FANCA: variants seen among roughly 807,000 people sequenced by gnomAD.
FANCA encodes FA complementation group A.
Under a neutral mutation model 194.3 loss-of-function variants are expected in FANCA, and 236 were observed. That is an observed-to-expected ratio of 1.21 (90% confidence interval 1.09 to 1.35). FANCA has a LOEUF of 1.35. Ranked by LOEUF, FANCA falls within the 40% of genes most tolerant of loss-of-function variation. FANCA has a pLI of 0.00. For synonymous variants in FANCA, 1,014 were observed against 715.8 expected (o/e 1.42, Z -6.65); for missense variants, 2,628 against 1,813.9 (o/e 1.45, Z -8.15).
At chr16:89,786,845 T>C (rs2143491343) in intron 14 of FANCA, among the ~76,000 whole-genome samples, 1 of 152,250 alleles carries the variant, frequency 6.6e-6, no homozygotes, top group South Asian at 2.1e-4. Context: ...GGTTCCCTTC[T>C]CAAAACATCA....
rs201428240 is a variant in FANCA, at chr16:89,797,643, T to C, written c.893+1523A>G. On this transcript the variant is annotated intron_variant, in intron 10 of 42. Coordinates refer to ENST00000389301, the MANE Select transcript of FANCA (RefSeq NM_000135.4). ...CTGTAATCCCAGTACTTTGGGAGGC[T>C]GAGGTGGGTGTTATCACTTGAGGTC... is the stretch of plus-strand genomic sequence containing the variant. Among the ~76,000 whole-genome samples the C allele has an allele frequency of 3.9e-5, 6 of 152,260 alleles. No homozygotes were observed. The East Asian group carries it at 1.2e-3, about 29-fold the overall frequency.
At chr16:89,789,571 C>T (rs1424153015) in intron 14 of FANCA, among the ~76,000 whole-genome samples, 1 of 151,166 alleles carries the variant, frequency 6.6e-6, no homozygotes, top group African/African-American at 2.4e-5. Context: ...CGGTAAGTAG[C>T]CAGGACCACA....
intron 30 of FANCA, among the ~76,000 whole-genome samples, chr16:89,753,925 G>T (rs1001825462): frequency 1.3e-5 from 2 of 152,214 alleles, no homozygotes; most frequent in Non-Finnish European, 2.9e-5. Context: ...CGTGTTAGCG[G>T]ACGCCAGTAA....
intron 42 of FANCA, 76 bp downstream of exon 42, chr16:89,738,806 C>A: frequency 6.2e-7 from 1 of 1,613,782 alleles, no homozygotes; most frequent in Non-Finnish European, 8.5e-7. Flanking sequence ...TATTGCCAGC[C>A]AGGCAGGCAC....
chr16:89,783,001 G>C lies in FANCA; in HGVS notation c.1566+6C>G, dbSNP rs886939126. ...TGTGAGGAGTGGGCATGGAGGGACA[G>C]CTTGCCTTGAGGTCGGCCAGCCGTG... On this transcript the variant is annotated splice_donor_region_variant and intron_variant, in intron 16 of 42. Coordinates refer to ENST00000389301, the MANE Select transcript of FANCA (RefSeq NM_000135.4). The C allele has an allele frequency of 5.6e-6, 9 of 1,613,638 alleles. No individual in the cohort carries two copies. The highest frequency in any genetic ancestry group is 4.0e-5 in the African/African-American group (3 of 74,940).
rs753253831 is a variant in FANCA, at chr16:89,810,922, G to A, written c.426+7C>T. Reference sequence around the variant, plus strand: ...GGCAGGTTTCCTCATCTTTGCTGGTGTCTTACTCTCTGCTCCACAGTCAGC... The same window carrying A: ...GGCAGGTTTCCTCATCTTTGCTGGTATCTTACTCTCTGCTCCACAGTCAGC... On this transcript the variant is annotated splice_region_variant and intron_variant, in intron 4 of 42. Transcript: ENST00000389301. The A allele has an allele frequency of 1.2e-6, 2 of 1,614,158 alleles. No homozygotes were observed. The highest frequency in any genetic ancestry group is 1.3e-5 in the African/African-American group (1 of 75,066).
intron 11 of FANCA, chr16:89,792,819 G>T (rs909457405): frequency 2.5e-6 from 1 of 405,246 alleles, no homozygotes; most frequent in East Asian, 5.5e-5. Context: ...GGTAAAGAGT[G>T]TGAGTCATCT....
intron 4 of FANCA, 53 bp downstream of exon 4, chr16:89,810,876 A>G: frequency 6.2e-7 from 1 of 1,614,050 alleles, no homozygotes; most frequent in Non-Finnish European, 8.5e-7. Context: ...TATTTTCCCA[A>G]CCAGCTTAAA....
Position 89,799,177 on chromosome 16 carries a change from G to C in FANCA, c.882C>G (p.Ile294Met), listed in dbSNP as rs754520622. 14 of 1,614,026 alleles carry C rather than the reference G, an allele frequency of 8.7e-6. No homozygotes were observed. Among genetic ancestry groups the C allele is most frequent in the South Asian group, 3.3e-5 (3 of 91,088 alleles). ...GVQEESSTHK[I>M]VRCWFGVFSG... ...CCTCAGGAACATACCAGCACCTCAC[G>C]ATCTTGTGAGTGGAGGACTCCTCCT... The change falls in exon 10 of 43, where the codon ATC (isoleucine) becomes ATG (methionine). Residue 294 changes from isoleucine (I) to methionine (M), a missense_variant. Transcript: ENST00000389301.
Position 89,770,622 on chromosome 16 carries a change from G to A in FANCA, c.2164C>T (p.Leu722=), listed in dbSNP as rs770314137. ...EPREHMAVDL[L]LTSFCQNLMA... Reference sequence around the variant, plus strand: ...AGGTTCTGACAGAAAGACGTCAGCAGGAGGTCCACAGCCTGCAGAGACACA... The same window carrying A: ...AGGTTCTGACAGAAAGACGTCAGCAAGAGGTCCACAGCCTGCAGAGACACA... Residue 722 remains leucine, a synonymous_variant, in exon 24 of 43, where the codon CTG becomes TTG. Transcript: ENST00000389301. The A allele has an allele frequency of 3.7e-6, 6 of 1,610,824 alleles. No homozygotes were observed. The highest frequency in any genetic ancestry group is 5.1e-6 in the Non-Finnish European group (6 of 1,178,604).
Position 89,746,938 on chromosome 16 carries a change from C to T in FANCA, c.3349-48G>A, listed in dbSNP as rs368595484. 126 of 1,504,650 alleles carry T rather than the reference C, an allele frequency of 8.4e-5. 1 individual carries two copies. The highest frequency in any genetic ancestry group is 9.7e-5 in the Non-Finnish European group (107 of 1,105,866). 93.2% of individuals were successfully genotyped at this position (1,504,650 alleles called of 1,614,324 possible). ...TAAGAAAAGCCCACAGGAAGAGAGG[C>T]GAGACCAACATGCAGAGTGGCTGCT... On this transcript the variant is annotated intron_variant, in intron 33 of 42. Transcript: ENST00000389301.
chr16:89,739,387 C>T (rs1207706705), intron 40 of FANCA, 91 bp downstream of exon 40: 4 of 1,576,944 alleles, frequency 2.5e-6, no homozygotes, highest in Non-Finnish European at 3.5e-6. Flanking sequence ...GAGGCACAGA[C>T]AACCCTTCCC....
Position 89,748,651 on chromosome 16 carries a change from G to A in FANCA, c.3348+8C>T, listed in dbSNP as rs571631071. ...GATCGGACGGACACGTGCACACGGG[G>A]CACCTACCATCTCAGAGTTGACCAA... On this transcript the variant is annotated splice_region_variant and intron_variant, in intron 33 of 42. Transcript: ENST00000389301. The A allele has an allele frequency of 9.3e-6, 15 of 1,607,818 alleles. No homozygotes were observed. The South Asian group carries it at 1.4e-4, about 15-fold the overall frequency.
Position 89,772,168 on chromosome 16 carries a change from G to A in FANCA, c.2015-354C>T, listed in dbSNP as rs779336398. ...TGCCAGAGGTTCCATGTTGGCCCAG[G>A]GAAATGGGCCACACATAGCCCAACT... On this transcript the variant is annotated intron_variant, in intron 22 of 42. Transcript: ENST00000389301. Among the ~76,000 whole-genome samples, 3 of 152,190 alleles carry A rather than the reference G, an allele frequency of 2.0e-5. No individual in the cohort carries two copies. The East Asian group carries it at 5.8e-4, about 29-fold the overall frequency.
intron 10 of FANCA, chr16:89,798,492 G>T (rs1462210917): frequency 4.5e-6 from 5 of 1,102,872 alleles, no homozygotes; most frequent in Non-Finnish European, 5.5e-6. Flanking sequence ...GGTTGACAAG[G>T]CCTGGAAACA....
intron 12 of FANCA, 75 bp from the exon 13 acceptor site, chr16:89,792,143 C>T (rs2040097746): frequency 6.4e-7 from 1 of 1,572,770 alleles, no homozygotes; most frequent in South Asian, 1.1e-5. Context: ...ACCTTCCTCC[C>T]AGCCGGTGGC....
chr16:89,811,669 C>T (rs1182378799), intron 3 of FANCA, among the ~76,000 whole-genome samples: 1 of 152,148 alleles, frequency 6.6e-6, no homozygotes, highest in Non-Finnish European at 1.5e-5. Context: ...CGGTGGGCAA[C>T]CTGGAAGCAG....
rs773036532 is a variant in FANCA, at chr16:89,746,616, T to C, written c.3481A>G (p.Thr1161Ala). 2 of 1,614,054 alleles carry C rather than the reference T, an allele frequency of 1.2e-6. No individual in the cohort carries two copies. The highest frequency in any genetic ancestry group is 1.7e-6 in the Non-Finnish European group (2 of 1,180,032). ...MVDFILAKCQ[T>A]KCPLILTSAL... ...GAGGTCAAAATTAAGGGGCATTTCG[T>C]CTGGCACTTGGCCAGTATGAAGTCG... Residue 1161 changes from threonine to alanine, a missense_variant, in exon 35 of 43, where the codon ACG becomes GCG. Coordinates refer to ENST00000389301, the MANE Select transcript of FANCA (RefSeq NM_000135.4).
chr16:89,791,067 C>T lies in FANCA; in HGVS notation c.1359+336G>A, dbSNP rs550694091. On this transcript the variant is annotated intron_variant, in intron 14 of 42. Transcript: ENST00000389301. ...TTTTTTTGGTGGAGATGAGGTTTCA[C>T]TATGGTGTCCAGGCTTGATTTCGCT... 7.4e-4 allele frequency: 133 copies of T among 179,412 alleles called. 2 individuals are homozygous for T. The South Asian group carries it at 9.5e-3, about 13-fold the overall frequency. 11.1% of individuals were successfully genotyped at this position (179,412 alleles called of 1,614,324 possible). A position where few individuals can be genotyped will look rare whatever the true frequency, so the allele number is the denominator to read the frequency against.
Sources: allele counts gnomAD v4.1 joint callset (sites outside exome capture counted in the v4.1 genomes callset), GRCh38; gene constraint gnomAD v4.1.1; transcripts MANE v1.5; gene names NCBI Gene and HGNC (gene_info 2026-07-23, HGNC 2026-07-21).